CSMD1: variants seen among roughly 807,000 people sequenced by gnomAD.
The protein encoded by CSMD1 is CUB and sushi domain-containing protein 1.
A neutral mutation model predicts 417.5 loss-of-function variants in CSMD1; 213 were observed. The ratio of observed to expected loss-of-function variants is 0.51; its 90% confidence interval spans 0.46 to 0.57. The LOEUF is 0.57. Ranked by LOEUF, CSMD1 falls within the 20% of genes least tolerant of loss-of-function variation. CSMD1 has a pLI of 0.00. For synonymous variants in CSMD1, 2,862 were observed against 1,736.8 expected, an observed-to-expected ratio of 1.65 and a Z score of -16.11; for missense variants, 6,923 against 4,529.7, an observed-to-expected ratio of 1.53 and a Z score of -15.17.
At chr8:4,633,663 T>A (rs867679260) in intron 2 of CSMD1, among the ~76,000 whole-genome samples, 2 of 152,110 alleles carry the variant, frequency 1.3e-5, no homozygotes, top group African/African-American at 2.4e-5. Flanking sequence ...TTCAAGTGAT[T>A]CTCCTGCCTC....
intron 5 of CSMD1, among the ~76,000 whole-genome samples, chr8:3,989,480 C>T (rs189081525): frequency 1.9e-4 from 29 of 152,272 alleles, no homozygotes; most frequent in African/African-American, 6.3e-4. Flanking sequence ...AGACAAAAAA[C>T]CTGGATTCTC....
chr8:3,856,324 G>C (rs73172282), intron 5 of CSMD1, among the ~76,000 whole-genome samples: 3 of 152,232 alleles, frequency 2.0e-5, no homozygotes, highest in Non-Finnish European at 4.4e-5. Flanking sequence ...TCTTGAGGCT[G>C]CCCCAGAAGC....
intron 26 of CSMD1, among the ~76,000 whole-genome samples, chr8:3,280,830 T>G (rs1802677241): frequency 6.6e-6 from 1 of 152,122 alleles, no homozygotes; most frequent in African/African-American, 2.4e-5. Flanking sequence ...GATCCTCAAA[T>G]AATTATAATA....
At chr8:3,166,694 T>C (rs1460847130) in intron 37 of CSMD1, among the ~76,000 whole-genome samples, 1 of 151,874 alleles carries the variant, frequency 6.6e-6, no homozygotes, top group Admixed American at 6.6e-5. Flanking sequence ...CCTATAGAAA[T>C]AGACATTTAT....
intron 3 of CSMD1, among the ~76,000 whole-genome samples, chr8:4,097,223 A>T (rs150075435): frequency 6.6e-5 from 10 of 152,186 alleles, no homozygotes; most frequent in Non-Finnish European, 1.3e-4. Context: ...TTGGAAGGAG[A>T]TAAGTCCCTT....
At chr8:3,997,768 A>G (rs1001627260) in intron 5 of CSMD1, 135 bp downstream of exon 5, 35 of 766,902 alleles carry the variant, frequency 4.6e-5, no homozygotes, top group Non-Finnish European at 7.0e-5. Context: ...TCCAGAGCCA[A>G]AAGAGCAAGG....
At chr8:3,141,852 C>T (rs527260825) in intron 41 of CSMD1, among the ~76,000 whole-genome samples, 3 of 149,764 alleles carry the variant, frequency 2.0e-5, no homozygotes, top group African/African-American at 7.4e-5. Context: ...GGCTGGAGTG[C>T]AGTGGCGCGA....
chr8:3,694,002 G>T (rs1483098861), intron 7 of CSMD1, among the ~76,000 whole-genome samples: 2 of 151,480 alleles, frequency 1.3e-5, no homozygotes. Context: ...TGTGTGTGTT[G>T]TGTGTGTTGG....
intron 42 of CSMD1, among the ~76,000 whole-genome samples, chr8:3,115,269 T>C (rs1360886945): frequency 7.0e-6 from 1 of 143,584 alleles, no homozygotes; most frequent in Non-Finnish European, 1.5e-5. Flanking sequence ...TGGCGCTATC[T>C]TGGCTCACTG....
intron 1 of CSMD1, among the ~76,000 whole-genome samples, chr8:4,776,551 C>T (rs949712966): frequency 6.6e-6 from 1 of 152,094 alleles, no homozygotes; most frequent in Non-Finnish European, 1.5e-5. Context: ...TGTGAAATTC[C>T]ACTACGGGCT....
At chr8:4,867,709 T>A (rs555876101) in intron 1 of CSMD1, among the ~76,000 whole-genome samples, 7 of 152,250 alleles carry the variant, frequency 4.6e-5, no homozygotes, top group Non-Finnish European at 1.0e-4. Flanking sequence ...TGTGTGTGTG[T>A]AAATTGTCAA....
intron 10 of CSMD1, among the ~76,000 whole-genome samples, chr8:3,567,725 G>C (rs13268547): frequency 0.4 from 60,505 of 151,912 alleles, 12,324 homozygotes; most frequent in Middle Eastern, 0.49. Context: ...TTTCTGGAAC[G>C]TCCAACCTTC....
At chr8:3,558,237 A>G (rs1433436301) in intron 10 of CSMD1, among the ~76,000 whole-genome samples, 2 of 149,350 alleles carry the variant, frequency 1.3e-5, no homozygotes, top group African/African-American at 2.5e-5. Flanking sequence ...CCAATGACAA[A>G]TAGTGCCTCA....
At chr8:4,417,657 G>C (rs531190118) in intron 3 of CSMD1, among the ~76,000 whole-genome samples, 1 of 151,894 alleles carries the variant, frequency 6.6e-6, no homozygotes, top group East Asian at 1.9e-4. Flanking sequence ...CAAATAACAG[G>C]ATCCGTGGGC....
chr8:3,555,855 A>G (rs995396530), intron 10 of CSMD1, among the ~76,000 whole-genome samples: 4 of 152,170 alleles, frequency 2.6e-5, no homozygotes, highest in African/African-American at 7.2e-5. Context: ...TGAAATATAC[A>G]TAGTGGAGCA....
At position 4,752,488 on chromosome 8, in the gene CSMD1, G is replaced by C. The variant is rs73661114; in HGVS notation, c.86-114930C>G. On this transcript the variant is annotated intron_variant, in intron 1 of 69. Coordinates refer to ENST00000635120, the MANE Select transcript of CSMD1 (RefSeq NM_033225.6). ...GATGAAGGAGAGATCTTTGCTAGTG[G>C]CTTTGGTTATAAGGGCTAAAACGTG... Among the ~76,000 whole-genome samples the C allele has an allele frequency of 7.0e-3, 1,072 of 152,204 alleles. 12 individuals carry two copies. Among genetic ancestry groups the C allele is most frequent in the African/African-American group, 0.025 (1,039 of 41,524 alleles).
At chr8:4,910,328 G>A (rs770637361) in intron 1 of CSMD1, among the ~76,000 whole-genome samples, 2 of 152,154 alleles carry the variant, frequency 1.3e-5, no homozygotes, top group African/African-American at 4.8e-5. Flanking sequence ...TTCTGTCAAT[G>A]TTGATGATGT....
chr8:4,785,192 T>C lies in CSMD1; in HGVS notation c.86-147634A>G, dbSNP rs543784517. 2.1e-4 allele frequency among the ~76,000 whole-genome samples: 32 copies of C among 152,328 alleles called. No individual in the cohort carries two copies. In the South Asian group the frequency reaches 6.6e-3, roughly 32 times the overall value. On this transcript the variant is annotated intron_variant, in intron 1 of 69. Transcript: ENST00000635120. ...TGAATATGACTCCTAGCCTGATCTA[T>C]TCTGCTGCTCCTAGAAGATTGTACC...
intron 12 of CSMD1, among the ~76,000 whole-genome samples, chr8:3,465,430 G>A (rs1426823919): frequency 6.6e-6 from 1 of 152,092 alleles, no homozygotes; most frequent in Non-Finnish European, 1.5e-5. Flanking sequence ...GCCACAGGTG[G>A]GTAGAGTGGA....
Sources: gnomAD v4.1 joint callset for allele counts (sites outside exome capture counted in the v4.1 genomes callset) on GRCh38, gnomAD v4.1.1 for gene constraint, MANE v1.5 for transcripts, NCBI Gene and HGNC (gene_info 2026-07-23, HGNC 2026-07-21) for gene names.